PCBP3: variants seen among roughly 807,000 people sequenced by gnomAD.
PCBP3 encodes the protein poly(rC)-binding protein 3.
Under a neutral mutation model 52.7 loss-of-function variants are expected in PCBP3, and 25 were observed. The observed-to-expected ratio is 0.47, with a 90% CI of 0.35 to 0.66. The LOEUF (loss-of-function observed/expected upper bound fraction) is 0.66, where lower values mean the gene tolerates loss of function less well. Ranked by LOEUF, PCBP3 falls within the 30% of genes least tolerant of loss-of-function variation. The pLI, the probability that PCBP3 is intolerant of heterozygous loss-of-function variation, is 0.01. For synonymous variants in PCBP3, 162 were observed against 183.0 expected, an observed-to-expected ratio of 0.89 and a Z score of 0.93; for missense variants, 391 against 490.3, an observed-to-expected ratio of 0.80 and a Z score of 1.91.
At chr21:45,842,903 C>A (rs1263264430) in intron 4 of PCBP3, among the ~76,000 whole-genome samples, 1 of 152,194 alleles carries the variant, frequency 6.6e-6, no homozygotes, top group Non-Finnish European at 1.5e-5. Flanking sequence ...TTCTCAGATG[C>A]TTTCTGACCT....
In PCBP3 at chr21:45,930,988, C is replaced by T. The variant is rs1980979; in HGVS notation, c.856+143C>T. The T allele has an allele frequency of 0.094, 112,810 of 1,204,512 alleles. 8,312 individuals carry two copies. The highest frequency in any genetic ancestry group is 0.36 in the African/African-American group (23,750 of 65,662). The allele number at this position is 1,204,512 out of a possible 1,614,324, so 74.6% of individuals were successfully genotyped here. A position where few individuals can be genotyped will look rare whatever the true frequency, so the allele number is the denominator to read the frequency against. Reference sequence around the variant, plus strand: ...GGCCAGCCTCAGGTGCTGCCAAGGGCGTGGGTGGTGCCATGCTGCCACTGT... The same window carrying T: ...GGCCAGCCTCAGGTGCTGCCAAGGGTGTGGGTGGTGCCATGCTGCCACTGT... On this transcript the variant is annotated intron_variant, in intron 15 of 17. Transcript: ENST00000681687.
chr21:45,651,476 C>A (rs961093537), intron 1 of PCBP3, among the ~76,000 whole-genome samples: 1 of 152,064 alleles, frequency 6.6e-6, no homozygotes, highest in Admixed American at 6.6e-5. Context: ...TATGCATATC[C>A]TAAAGTTGGG....
chr21:45,664,760 T>A (rs1360998674), intron 1 of PCBP3, among the ~76,000 whole-genome samples: 2 of 87,526 alleles, frequency 2.3e-5, no homozygotes, highest in African/African-American at 4.4e-5. Context: ...ATGCTATCCC[T>A]CCCCCCTCCC....
intron 4 of PCBP3, among the ~76,000 whole-genome samples, chr21:45,813,801 C>A (rs1378773776): frequency 1.3e-5 from 2 of 152,222 alleles, no homozygotes; most frequent in African/African-American, 2.4e-5. Context: ...TGCCCAATAA[C>A]CCCAATGTGT....
At chr21:45,712,407 A>G (rs949963839) in intron 2 of PCBP3, among the ~76,000 whole-genome samples, 7 of 152,206 alleles carry the variant, frequency 4.6e-5, no homozygotes, top group African/African-American at 1.7e-4. Context: ...CCTTGCAAAC[A>G]TTTAGTATTT....
At chr21:45,846,463 TA>T (rs2093815029) in intron 4 of PCBP3, among the ~76,000 whole-genome samples, 1 of 152,070 alleles carries the variant, frequency 6.6e-6, no homozygotes, top group African/African-American at 2.4e-5. Flanking sequence ...CAAGTATGTT[TA>T]AGAAGAAAGT....
At chr21:45,652,924 A>G (rs1041235638) in intron 1 of PCBP3, among the ~76,000 whole-genome samples, 7 of 152,286 alleles carry the variant, frequency 4.6e-5, no homozygotes, top group South Asian at 2.1e-4. Context: ...CTTGTAAACA[A>G]TGCCTCAACT....
intron 5 of PCBP3, among the ~76,000 whole-genome samples, chr21:45,876,422 C>T (rs1365204239): frequency 1.3e-5 from 2 of 152,172 alleles, no homozygotes; most frequent in East Asian, 3.9e-4. Context: ...ACCAGTGTGG[C>T]TGGGCCGCTG....
intron 4 of PCBP3, among the ~76,000 whole-genome samples, chr21:45,806,965 C>T (rs1050866777): frequency 2.0e-5 from 3 of 152,338 alleles, no homozygotes; most frequent in East Asian, 1.9e-4. Flanking sequence ...TTAGAAAAAC[C>T]CTTGTGGCTT....
rs1459660666 is a variant in PCBP3 at position 45,784,388 on chromosome 21, A to G, written c.-126+28936A>G. On this transcript the variant is annotated intron_variant, in intron 4 of 17. Transcript: ENST00000681687. ...TACCTCTACCTCTACCTCTACCTCT[A>G]CCTCTACCGCTACCTCTACCGCTAC... is the stretch of plus-strand genomic sequence containing the variant. Among the ~76,000 whole-genome samples, 709 of 114,976 alleles carry G rather than the reference A, an allele frequency of 6.2e-3. 7 individuals carry two copies. Among genetic ancestry groups the G allele is most frequent in the African/African-American group, 0.02 (681 of 33,742 alleles). The allele number at this position is 114,976 out of a possible 152,430, so 75.4% of individuals were successfully genotyped here. A position where few individuals can be genotyped will look rare whatever the true frequency, so the allele number is the denominator to read the frequency against.
intron 11 of PCBP3, among the ~76,000 whole-genome samples, 185 bp from the exon 12 acceptor site, chr21:45,913,766 A>T (rs1416016440): frequency 6.6e-6 from 1 of 152,068 alleles, no homozygotes; most frequent in African/African-American, 2.4e-5. Context: ...AGACAGCCAC[A>T]CAGAGGGTGT....
At position 45,800,482 on chromosome 21, in the gene PCBP3, G is replaced by C. The variant is rs2092254424; in HGVS notation, c.-126+45030G>C. ...ACTGGCTCCAAACAGGCGTGTTGTGGGCGTGTCCTGAGGTGTGTGCCTGAC... is the reference window on the plus strand; with the variant it reads ...ACTGGCTCCAAACAGGCGTGTTGTGCGCGTGTCCTGAGGTGTGTGCCTGAC... On this transcript the variant is annotated intron_variant, in intron 4 of 17. Transcript: ENST00000681687. The surrounding 1 kb of genome is among the most constrained non-coding windows in gnomAD (Gnocchi z 5.3). Among the ~76,000 whole-genome samples, 1 of 152,192 alleles carries C rather than the reference G, an allele frequency of 6.6e-6. No individual in the cohort carries two copies. Among genetic ancestry groups the C allele is most frequent in the Non-Finnish European group, 1.5e-5 (1 of 68,020 alleles).
intron 5 of PCBP3, among the ~76,000 whole-genome samples, chr21:45,878,289 G>T (rs73911028): frequency 0.05 from 7,552 of 152,252 alleles, 437 homozygotes; most frequent in African/African-American, 0.13. Flanking sequence ...CCTCCGGGGT[G>T]GGGGGGTCCT....
At chr21:45,750,511 G>T (rs1386616915) in intron 3 of PCBP3, 3 of 151,318 alleles carry the variant, frequency 2.0e-5, no homozygotes, top group Non-Finnish European at 4.4e-5. Context: ...GATTTGATCA[G>T]TGGGAGCCCA....
At chr21:45,801,415 G>C (rs1335638702) in intron 4 of PCBP3, among the ~76,000 whole-genome samples, 1 of 152,268 alleles carries the variant, frequency 6.6e-6, no homozygotes, top group Non-Finnish European at 1.5e-5. Flanking sequence ...AGGAGCTGCA[G>C]AGGAGCAGAT....
At chr21:45,717,698 G>A (rs2084320769) in intron 2 of PCBP3, among the ~76,000 whole-genome samples, 1 of 152,118 alleles carries the variant, frequency 6.6e-6, no homozygotes, top group African/African-American at 2.4e-5. Context: ...TGATTATAGT[G>A]TGTAATCTTT....
intron 1 of PCBP3, among the ~76,000 whole-genome samples, chr21:45,661,040 C>CAA (rs960933206): frequency 2.1e-4 from 31 of 151,048 alleles, no homozygotes; most frequent in African/African-American, 7.3e-4. Context: ...AACTCCATCT[C>CAA]AAAAAAAATA....
chr21:45,859,746 G>C (rs1320810153), intron 5 of PCBP3: 1 of 152,386 alleles, frequency 6.6e-6, no homozygotes, highest in African/African-American at 2.4e-5. Context: ...CGTGCACCGT[G>C]AGCAGCACAG....
chr21:45,652,830 T>A (rs2079778333), intron 1 of PCBP3, among the ~76,000 whole-genome samples: 1 of 152,192 alleles, frequency 6.6e-6, no homozygotes, highest in African/African-American at 2.4e-5. Flanking sequence ...GCTGTTCTCT[T>A]TTCTAATCTG....
Sources: gnomAD v4.1 joint callset for allele counts (sites outside exome capture counted in the v4.1 genomes callset) on GRCh38, gnomAD v4.1.1 for gene constraint, Gnocchi (gnomAD v3.1) non-coding constraint, MANE v1.5 for transcripts, NCBI Gene and HGNC (gene_info 2026-07-23, HGNC 2026-07-21) for gene names.